SCGB1D2: variants seen among roughly 807,000 people sequenced by gnomAD.
The protein encoded by SCGB1D2 is secretoglobin family 1D member 2.
SCGB1D2 carries 10 observed loss-of-function variants against 10.5 expected under a neutral mutation model. That is an observed-to-expected ratio of 0.95 (90% confidence interval 0.59 to 1.61). The LOEUF is 1.61. Among genes scored for constraint, SCGB1D2 ranks in the 40% most tolerant of loss-of-function variants. The pLI, the probability that SCGB1D2 is intolerant of heterozygous loss-of-function variation, is 0.00. For missense variants in SCGB1D2, 113 were observed against 103.8 expected, an observed-to-expected ratio of 1.09 and a Z score of -0.38; for synonymous variants, 42 against 42.8, an observed-to-expected ratio of 0.98 and a Z score of 0.08.
chr11:62,244,076 T>A (rs1184985175), intron 2 of SCGB1D2, among the ~76,000 whole-genome samples: 1 of 152,130 alleles, frequency 6.6e-6, no homozygotes, highest in Non-Finnish European at 1.5e-5. Context: ...GTCTACCTCC[T>A]GCAGTGCCAT....
Position 62,244,761 on chromosome 11 carries a change from G to C in SCGB1D2, c.*62G>C. On this transcript the variant is annotated 3_prime_UTR_variant, in exon 3 of 3. Transcript: ENST00000244926. ...CAATGACACCCTGATCTTCACTGCAGAATGTAAAGGTTTCAACGTCTTGCT... is the reference window on the plus strand; with the variant it reads ...CAATGACACCCTGATCTTCACTGCACAATGTAAAGGTTTCAACGTCTTGCT... The C allele has an allele frequency of 7.3e-7, 1 of 1,369,534 alleles. No individual in the cohort carries two copies. The highest frequency in any genetic ancestry group is 1.0e-6 in the Non-Finnish European group (1 of 963,112). The allele number at this position is 1,369,534 out of a possible 1,614,324, so 84.8% of individuals were successfully genotyped here.
intron 2 of SCGB1D2, among the ~76,000 whole-genome samples, chr11:62,244,429 T>C (rs768959165): frequency 1.2e-4 from 19 of 152,112 alleles, no homozygotes; most frequent in Non-Finnish European, 2.4e-4. Flanking sequence ...TCCATGAGGA[T>C]CCTGGGCCTC....
chr11:62,243,915 G>A (rs1306485236), intron 2 of SCGB1D2, among the ~76,000 whole-genome samples: 1 of 152,084 alleles, frequency 6.6e-6, no homozygotes, highest in African/African-American at 2.4e-5. Flanking sequence ...CATAGAGCAG[G>A]GGCTCCTGCA....
chr11:62,244,197 A>G (rs901628968), intron 2 of SCGB1D2, among the ~76,000 whole-genome samples: 2 of 152,152 alleles, frequency 1.3e-5, no homozygotes, highest in African/African-American at 4.8e-5. Context: ...GCAAATGCTC[A>G]TGGAAGCTGC....
chr11:62,244,511 G>A (rs1384310357), intron 2 of SCGB1D2, among the ~76,000 whole-genome samples, 159 bp from the exon 3 acceptor site: 12 of 152,164 alleles, frequency 7.9e-5, no homozygotes, highest in African/African-American at 2.4e-5. Flanking sequence ...GGTGCTGTGA[G>A]GCCACCAGGT....
intron 1 of SCGB1D2, 22 bp from the exon 2 acceptor site, chr11:62,243,267 T>C (rs750422816): frequency 6.2e-7 from 1 of 1,602,986 alleles, no homozygotes; most frequent in Admixed American, 1.7e-5. Flanking sequence ...ACATCAACTA[T>C]ATTTTTATTC....
chr11:62,243,246 C>T (rs367627867), intron 1 of SCGB1D2, 43 bp from the exon 2 acceptor site: 158 of 1,549,960 alleles, frequency 1.0e-4, no homozygotes, highest in Non-Finnish European at 1.4e-4. Context: ...AGAGAAAAAT[C>T]GACTTTCCTA....
intron 1 of SCGB1D2, 68 bp downstream of exon 1, chr11:62,242,430 C>T: frequency 6.5e-7 from 1 of 1,529,114 alleles, no homozygotes; most frequent in Middle Eastern, 1.7e-4. Flanking sequence ...ACGAGGTCAC[C>T]TATTCAGGCT....
chr11:62,244,135 C>T (rs943254968), intron 2 of SCGB1D2, among the ~76,000 whole-genome samples: 1 of 152,154 alleles, frequency 6.6e-6, no homozygotes, highest in African/African-American at 2.4e-5. Flanking sequence ...CAGAGGTTTT[C>T]CAGGGGCCTC....
chr11:62,242,762 A>T (rs1945074061), intron 1 of SCGB1D2, among the ~76,000 whole-genome samples: 1 of 152,130 alleles, frequency 6.6e-6, no homozygotes, highest in Non-Finnish European at 1.5e-5. Context: ...AGGCTATGAG[A>T]ATGGAGTAAG....
intron 2 of SCGB1D2, among the ~76,000 whole-genome samples, chr11:62,244,112 T>C (rs1043531042): frequency 6.6e-6 from 1 of 152,178 alleles, no homozygotes; most frequent in Non-Finnish European, 1.5e-5. Flanking sequence ...TCACTCTGTC[T>C]TTCTCAAGAA....
chr11:62,243,592 C>A (rs1398300323), intron 2 of SCGB1D2, 116 bp downstream of exon 2: 1 of 893,496 alleles, frequency 1.1e-6, no homozygotes, highest in Non-Finnish European at 1.7e-6. Context: ...TTGCTGGTCA[C>A]CTCTTGAGAA....
At chr11:62,242,990 G>T (rs1181242053) in intron 1 of SCGB1D2, among the ~76,000 whole-genome samples, 6 of 152,202 alleles carry the variant, frequency 3.9e-5, no homozygotes, top group African/African-American at 1.4e-4. Flanking sequence ...TACTTAGGGG[G>T]CTGAGATGGG....
rs774070276 is a variant in SCGB1D2, at chr11:62,243,430, C to T, written c.197C>T (p.Thr66Met). 9.9e-6 allele frequency: 16 copies of T among 1,613,916 alleles called. No individual in the cohort carries two copies. Among genetic ancestry groups the T allele is most frequent in the Admixed American group, 3.3e-5 (2 of 59,970 alleles). The change falls in exon 2 of 3, where the codon ACG becomes ATG. Residue 66 changes from threonine (T) to methionine (M), a missense_variant. Coordinates refer to ENST00000244926, the MANE Select transcript of SCGB1D2 (RefSeq NM_006551.4). ...VAAKLGVKRC[T>M]DQMSLQKRSL... ...GCCAAGTTAGGAGTGAAGAGATGCA[C>T]GGATCAGATGTCCCTTCAGAAACGA...
chr11:62,243,566 T>G, intron 2 of SCGB1D2, 90 bp downstream of exon 2: 3 of 1,152,046 alleles, frequency 2.6e-6, no homozygotes, highest in Middle Eastern at 2.9e-4. Context: ...GGGACACAGG[T>G]GGTGGGGCAG....
intron 1 of SCGB1D2, among the ~76,000 whole-genome samples, chr11:62,242,746 C>A (rs146925379): frequency 6.7e-4 from 102 of 152,260 alleles, no homozygotes; most frequent in East Asian, 4.8e-3. Flanking sequence ...GCGCTTCTGC[C>A]AGGAGAGGCT....
At position 62,244,744 on chromosome 11, in the gene SCGB1D2, C is replaced by G; in HGVS notation, c.*45C>G. 2 of 1,508,274 alleles carry G rather than the reference C, an allele frequency of 1.3e-6. No homozygotes were observed. The highest frequency in any genetic ancestry group is 1.8e-6 in the Non-Finnish European group (2 of 1,084,730). The allele number at this position is 1,508,274 out of a possible 1,614,324, so 93.4% of individuals were successfully genotyped here. On this transcript the variant is annotated 3_prime_UTR_variant, in exon 3 of 3. Transcript: ENST00000244926. ...TGGTTTCCACTGTCTTTCAATGACA[C>G]CCTGATCTTCACTGCAGAATGTAAA...
At position 62,244,744 on chromosome 11, in the gene SCGB1D2, C is replaced by T. The variant is rs752201880; in HGVS notation, c.*45C>T. 19 of 1,508,274 alleles carry T rather than the reference C, an allele frequency of 1.3e-5. No homozygotes were observed. The South Asian group carries it at 2.0e-4, about 16-fold the overall frequency. 93.4% of individuals were successfully genotyped at this position (1,508,274 alleles called of 1,614,324 possible). On this transcript the variant is annotated 3_prime_UTR_variant, in exon 3 of 3. Transcript: ENST00000244926. ...TGGTTTCCACTGTCTTTCAATGACA[C>T]CCTGATCTTCACTGCAGAATGTAAA...
At chr11:62,242,715 T>G (rs1945073439) in intron 1 of SCGB1D2, among the ~76,000 whole-genome samples, 1 of 152,174 alleles carries the variant, frequency 6.6e-6, no homozygotes, top group Admixed American at 6.5e-5. Context: ...TCCCTGAGCC[T>G]CCTCCTATCA....
Sources: gnomAD v4.1 joint callset for allele counts (sites outside exome capture counted in the v4.1 genomes callset) on GRCh38, gnomAD v4.1.1 for gene constraint, MANE v1.5 for transcripts, NCBI Gene and HGNC (gene_info 2026-07-23, HGNC 2026-07-21) for gene names.